The following SHISA9 variants were observed in gnomAD, a reference collection of about 807,000 sequenced individuals.
The protein encoded by SHISA9 is protein shisa-9.
A neutral mutation model predicts 38.0 loss-of-function variants in SHISA9; 13 were observed. The observed-to-expected ratio is 0.34, with a 90% confidence interval of 0.22 to 0.54. The LOEUF is 0.54. Ranked by LOEUF, SHISA9 falls within the 20% of genes least tolerant of loss-of-function variation. The pLI, the probability that SHISA9 is intolerant of heterozygous loss-of-function variation, is 0.91. For missense variants in SHISA9, 538 were observed against 575.8 expected (o/e 0.93, Z 0.67); for synonymous variants, 275 against 242.0 (o/e 1.14, Z -1.27).
the SHISA9 span, among the ~76,000 whole-genome samples, chr16:13,373,619 G>A: frequency 3.0e-4 from 45 of 152,060 alleles, no homozygotes; most frequent in Non-Finnish European, 4.6e-4. Context: ...AAAATCAGCC[G>A]GGCATGGTAG....
At chr16:13,291,732 T>C in the SHISA9 span, among the ~76,000 whole-genome samples, 1 of 152,088 alleles carries the variant, frequency 6.6e-6, no homozygotes, top group South Asian at 2.1e-4. Flanking sequence ...AAGCCCAAAT[T>C]CAAAATAGAT....
intron 2 of SHISA9, among the ~76,000 whole-genome samples, chr16:13,042,357 A>G (rs989492804): frequency 6.6e-6 from 1 of 152,210 alleles, no homozygotes; most frequent in African/African-American, 2.4e-5. Context: ...GCTAGTGTGT[A>G]GGATTATTGG....
At chr16:13,191,072 T>C (rs2050880693) in intron 2 of SHISA9, among the ~76,000 whole-genome samples, 1 of 152,342 alleles carries the variant, frequency 6.6e-6, no homozygotes, top group African/African-American at 2.4e-5. Context: ...TACTTCTTTT[T>C]TCCTTGCTTG....
At chr16:13,382,505 GGATGAAAAGGGTGAA>G in the SHISA9 span, among the ~76,000 whole-genome samples, 4 of 145,106 alleles carry the variant, frequency 2.8e-5, no homozygotes, top group Non-Finnish European at 4.5e-5. Flanking sequence ...ACTCAAGCCT[GGATGAAAAGGGTGAA>G]ACTCCATCTC....
the SHISA9 span, among the ~76,000 whole-genome samples, chr16:13,515,471 G>A: frequency 6.6e-6 from 1 of 152,054 alleles, no homozygotes; most frequent in African/African-American, 2.4e-5. Flanking sequence ...TACTCACAAA[G>A]ATCTGTTATG....
chr16:13,102,190 C>T (rs1237874700), intron 2 of SHISA9, among the ~76,000 whole-genome samples: 1 of 152,208 alleles, frequency 6.6e-6, no homozygotes, highest in African/African-American at 2.4e-5. Flanking sequence ...CCGACATGCT[C>T]AACCCTAGGA....
chr16:13,370,774 T>G, the SHISA9 span, among the ~76,000 whole-genome samples: 1 of 152,158 alleles, frequency 6.6e-6, no homozygotes, highest in African/African-American at 2.4e-5. Context: ...GCATTAAATA[T>G]TAGAAGCCAA....
At chr16:13,557,988 T>C in the SHISA9 span, among the ~76,000 whole-genome samples, 2 of 152,162 alleles carry the variant, frequency 1.3e-5, no homozygotes, top group African/African-American at 4.8e-5. Flanking sequence ...CTGATACTAG[T>C]AATTGAAGGG....
intron 2 of SHISA9, among the ~76,000 whole-genome samples, chr16:13,085,103 C>A (rs1048327365): frequency 6.6e-6 from 1 of 152,104 alleles, no homozygotes; most frequent in African/African-American, 2.4e-5. Flanking sequence ...AAGTATCATT[C>A]TGATTGTGGT....
chr16:12,999,379 G>T (rs999133122), intron 2 of SHISA9, among the ~76,000 whole-genome samples: 2 of 152,102 alleles, frequency 1.3e-5, no homozygotes, highest in East Asian at 1.9e-4. Context: ...GCGTTGTGTG[G>T]TTCAGACTTT....
At chr16:13,216,311 C>A (rs377027) in intron 4 of SHISA9, among the ~76,000 whole-genome samples, 20 of 152,078 alleles carry the variant, frequency 1.3e-4, no homozygotes, top group South Asian at 4.2e-4. Context: ...CTCTGATCCC[C>A]TATTTTCTGA....
At chr16:13,260,434 G>A in the SHISA9 span, among the ~76,000 whole-genome samples, 1 of 152,260 alleles carries the variant, frequency 6.6e-6, no homozygotes, top group Admixed American at 6.5e-5. Context: ...ATGCTTTGCT[G>A]CTTAGAAATT....
intron 2 of SHISA9, among the ~76,000 whole-genome samples, chr16:13,012,578 C>T (rs965449934): frequency 3.9e-5 from 6 of 152,042 alleles, no homozygotes; most frequent in Non-Finnish European, 8.8e-5. Context: ...CTTCTGGTAC[C>T]CTGGTACTAA....
rs529992359 is a variant in SHISA9 at position 13,196,860 on chromosome 16, G to A, written c.692-6534G>A. Among the ~76,000 whole-genome samples the A allele has an allele frequency of 4.6e-5, 7 of 152,320 alleles. No individual in the cohort carries two copies. The South Asian group carries it at 1.4e-3, about 32-fold the overall frequency. ...TGTAATCCCAGCACTTTGGGAGACT[G>A]AGGCAGGCAGGTCACCTGAGGTCAG... On this transcript the variant is annotated intron_variant, in intron 2 of 4. Transcript: ENST00000558583.
chr16:13,194,685 A>G (rs758251609), intron 2 of SHISA9, among the ~76,000 whole-genome samples: 6 of 152,206 alleles, frequency 3.9e-5, no homozygotes, highest in Non-Finnish European at 8.8e-5. Context: ...TATGGAAGTC[A>G]TGGGCCATCC....
At chr16:13,480,085 C>T in the SHISA9 span, among the ~76,000 whole-genome samples, 3 of 152,064 alleles carry the variant, frequency 2.0e-5, no homozygotes, top group Admixed American at 2.0e-4. Flanking sequence ...AAGACTAGAC[C>T]CCTAGGCCTA....
chr16:13,514,440 A>T, the SHISA9 span, among the ~76,000 whole-genome samples: 1 of 152,240 alleles, frequency 6.6e-6, no homozygotes, highest in South Asian at 2.1e-4. Context: ...AGACAAGGAT[A>T]TTAAAAGAAT....
At chr16:13,395,345 A>T in the SHISA9 span, among the ~76,000 whole-genome samples, 1 of 152,234 alleles carries the variant, frequency 6.6e-6, no homozygotes, top group Non-Finnish European at 1.5e-5. Context: ...TTGCCAATCT[A>T]ATGACTTAAA....
At chr16:13,110,972 T>C (rs917846651) in intron 2 of SHISA9, among the ~76,000 whole-genome samples, 1 of 152,104 alleles carries the variant, frequency 6.6e-6, no homozygotes, top group Non-Finnish European at 1.5e-5. Context: ...ATACAAGAGA[T>C]GTGAAACTGG....
Sources: allele counts gnomAD v4.1 joint callset (sites outside exome capture counted in the v4.1 genomes callset), GRCh38; gene constraint gnomAD v4.1.1; transcripts MANE v1.5; gene names NCBI Gene and HGNC (gene_info 2026-07-23, HGNC 2026-07-21).